The following ZNF592 variants were observed in gnomAD, a reference collection of about 807,000 sequenced individuals.
ZNF592 encodes the protein zinc finger protein 592.
In ZNF592, 11 loss-of-function variants were observed where a neutral mutation model predicts 80.3. The observed-to-expected ratio is 0.14, with a 90% CI of 0.09 to 0.23. The LOEUF (loss-of-function observed/expected upper bound fraction) is 0.23, where lower values mean the gene tolerates loss of function less well. ZNF592 is among the 10% of genes least tolerant of loss of function. The pLI is 1.00. For missense variants in ZNF592, 1,420 were observed against 1,633.9 expected, an observed-to-expected ratio of 0.87 and a Z score of 2.26; for synonymous variants, 646 against 640.3, an observed-to-expected ratio of 1.01 and a Z score of -0.13.
intron 5 of ZNF592, among the ~76,000 whole-genome samples, chr15:84,791,919 C>G (rs1296597756): frequency 6.6e-6 from 1 of 152,208 alleles, no homozygotes; most frequent in African/African-American, 2.4e-5. Context: ...AGGGAGTTGG[C>G]AGAGGTCAGA....
At chr15:84,751,766 A>G (rs1233918361) in intron 1 of ZNF592, among the ~76,000 whole-genome samples, 1 of 151,960 alleles carries the variant, frequency 6.6e-6, no homozygotes, top group African/African-American at 2.4e-5. Flanking sequence ...TTAGCTGGGC[A>G]TGGTGGCACG....
rs1471508211 is a variant in ZNF592 at position 84,802,288 on chromosome 15, G to A, written c.3699G>A (p.Arg1233=). ...CTTTGTCAGCTGACCCAGAGGCGAG[G>A]AGATTGCTGGGCCCGGCCCCTGAGG... ...GEPLSADPEA[R]RLLGPAPEDD... is the part of the protein sequence containing the mutation. The change falls in exon 11 of 11, where the codon AGG becomes AGA. Residue 1233 remains arginine, a synonymous_variant. Coordinates refer to ENST00000560079, the MANE Select transcript of ZNF592 (RefSeq NM_014630.3). 2.5e-6 allele frequency: 4 copies of A among 1,612,790 alleles called. No homozygotes were observed. Among genetic ancestry groups the A allele is most frequent in the Non-Finnish European group, 3.4e-6 (4 of 1,179,076 alleles).
chr15:84,748,949 G>A (rs1898931001), intron 1 of ZNF592, among the ~76,000 whole-genome samples: 2 of 151,686 alleles, frequency 1.3e-5, no homozygotes, highest in East Asian at 1.9e-4. Context: ...CGGGCACGCT[G>A]CTGTCCTCCG....
At chr15:84,758,285 T>TA (rs912410741) in intron 1 of ZNF592, among the ~76,000 whole-genome samples, 1 of 151,942 alleles carries the variant, frequency 6.6e-6, no homozygotes, top group Non-Finnish European at 1.5e-5. Context: ...GTTAATCCTT[T>TA]AAAAAAAATT....
At chr15:84,748,861 C>T (rs1273189516) in intron 1 of ZNF592, among the ~76,000 whole-genome samples, 197 bp downstream of exon 1, 4 of 147,900 alleles carry the variant, frequency 2.7e-5, no homozygotes, top group South Asian at 2.1e-4. Context: ...GGCCGCCACC[C>T]CACCCCGCCC....
chr15:84,801,147 T>C (rs1025691567), intron 10 of ZNF592, among the ~76,000 whole-genome samples: 1 of 152,180 alleles, frequency 6.6e-6, no homozygotes, highest in Non-Finnish European at 1.5e-5. Context: ...ATTGGGAGAC[T>C]CTGTCTCTAC....
intron 2 of ZNF592, among the ~76,000 whole-genome samples, chr15:84,766,347 T>C (rs1330488721): frequency 1.3e-5 from 2 of 152,286 alleles, no homozygotes; most frequent in South Asian, 2.1e-4. Context: ...CATAGGGACA[T>C]GTTAGGTTAT....
intron 4 of ZNF592, among the ~76,000 whole-genome samples, chr15:84,786,459 G>A (rs1051285839): frequency 2.6e-5 from 4 of 152,164 alleles, no homozygotes; most frequent in African/African-American, 4.8e-5. Context: ...AGAGTGCAGA[G>A]TGGGTTTGAA....
chr15:84,760,164 A>G (rs1899307972), intron 1 of ZNF592, among the ~76,000 whole-genome samples: 1 of 152,042 alleles, frequency 6.6e-6, no homozygotes, highest in Non-Finnish European at 1.5e-5. Context: ...CAAATAAAAT[A>G]TTGGTCTGAG....
rs765651573 is a variant in ZNF592 at position 84,783,743 on chromosome 15, C to A, written c.1068C>A (p.Ser356Arg). 6.2e-7 allele frequency: 1 copy of A among 1,614,214 alleles called. No individual in the cohort carries two copies. Among genetic ancestry groups the A allele is most frequent in the Non-Finnish European group, 8.5e-7 (1 of 1,180,030 alleles). ...SDSPRSICSDSSSKGSPSVAA... is the reference protein window; with the variant it reads ...SDSPRSICSDRSSKGSPSVAA... ...GCCCTCGTAGCATCTGCAGTGACAGCAGCAGCAAAGGCTCACCGTCTGTGG... is the reference window on the plus strand; with the variant it reads ...GCCCTCGTAGCATCTGCAGTGACAGAAGCAGCAAAGGCTCACCGTCTGTGG... The change falls in exon 4 of 11, where the codon AGC becomes AGA. Residue 356 changes from serine (S) to arginine (R), a missense_variant. Ser to Arg is a moderately radical substitution (Grantham distance 110). Around this residue, in one of 7 missense-constraint regions of ZNF592, gnomAD observed 524 missense variants for 628.3 expected, o/e 0.83. Coordinates refer to ENST00000560079, the MANE Select transcript of ZNF592 (RefSeq NM_014630.3). The surrounding 1 kb of genome is among the most constrained non-coding windows in gnomAD (Gnocchi z 5.0).
chr15:84,775,546 C>T (rs898880297), intron 2 of ZNF592, among the ~76,000 whole-genome samples: 8 of 152,136 alleles, frequency 5.3e-5, no homozygotes, highest in Admixed American at 4.6e-4. Flanking sequence ...GATTCTCCTG[C>T]GTCGGCCTCC....
intron 1 of ZNF592, among the ~76,000 whole-genome samples, chr15:84,752,860 T>C (rs573403270): frequency 1.3e-5 from 2 of 152,284 alleles, no homozygotes; most frequent in Admixed American, 6.5e-5. Flanking sequence ...CTAACCAAAC[T>C]TGGAAGAGAC....
intron 1 of ZNF592, among the ~76,000 whole-genome samples, chr15:84,753,860 G>A (rs994308653): frequency 6.6e-6 from 1 of 152,202 alleles, no homozygotes; most frequent in East Asian, 1.9e-4. Flanking sequence ...AATGTTTGAT[G>A]TCCTTGAGGT....
intron 10 of ZNF592, 55 bp from the exon 11 acceptor site, chr15:84,801,808 G>A: frequency 6.2e-7 from 1 of 1,613,792 alleles, no homozygotes; most frequent in Non-Finnish European, 8.5e-7. Flanking sequence ...GTTATGTCTA[G>A]GGGCTCATGT....
intron 1 of ZNF592, among the ~76,000 whole-genome samples, chr15:84,759,718 G>T (rs1364052735): frequency 2.0e-5 from 3 of 152,182 alleles, no homozygotes; most frequent in African/African-American, 7.2e-5. Context: ...GGGGGCAAGA[G>T]TGTCTGAAGG....
chr15:84,789,661 A>T (rs541875262), intron 4 of ZNF592, among the ~76,000 whole-genome samples: 1 of 152,316 alleles, frequency 6.6e-6, no homozygotes, highest in Admixed American at 6.5e-5. Context: ...ATTAGTTTAA[A>T]TGTTGTCATG....
intron 1 of ZNF592, among the ~76,000 whole-genome samples, chr15:84,756,712 A>G (rs1460828993): frequency 6.6e-6 from 1 of 152,174 alleles, no homozygotes; most frequent in Non-Finnish European, 1.5e-5. Context: ...AAGGCTATAA[A>G]TCTTTAGGCC....
rs1251117090 is a variant in ZNF592, at chr15:84,798,163, G to A, written c.2576+118G>A. The stretch of plus-strand genomic sequence containing the variant: ...GGGGTTAGTGGCAGAGGTGCCTGGG[G>A]TCGTACTAAGGATGTCCTGAGGCAG... On this transcript the variant is annotated intron_variant, in intron 6 of 10. Coordinates refer to ENST00000560079, the MANE Select transcript of ZNF592 (RefSeq NM_014630.3). The surrounding 1 kb of genome is among the most constrained non-coding windows in gnomAD (Gnocchi z 4.5). 6.4e-7 allele frequency: 1 copy of A among 1,562,886 alleles called. No individual in the cohort carries two copies. The highest frequency in any genetic ancestry group is 8.7e-7 in the Non-Finnish European group (1 of 1,146,614).
chr15:84,749,131 C>T (rs1043899896), intron 1 of ZNF592, among the ~76,000 whole-genome samples: 1 of 152,236 alleles, frequency 6.6e-6, no homozygotes, highest in African/African-American at 2.4e-5. Context: ...CCCTCTTTGG[C>T]GCTCCTCAGT....
Sources: allele counts gnomAD v4.1 joint callset (sites outside exome capture counted in the v4.1 genomes callset), GRCh38; gene constraint gnomAD v4.1.1; regional missense constraint gnomAD v4.1.1; non-coding constraint Gnocchi (gnomAD v3.1); transcripts MANE v1.5; gene names NCBI Gene and HGNC (gene_info 2026-07-23, HGNC 2026-07-21).